Variants in RNF217 observed in about 807,000 individuals in gnomAD.
RNF217 encodes the protein ring finger protein 217.
RNF217 carries 31 observed loss-of-function variants against 57.8 expected under a neutral mutation model. The observed-to-expected ratio is 0.54, with a 90% CI of 0.40 to 0.72. RNF217 has a LOEUF of 0.72. Ranked by LOEUF, RNF217 falls within the 30% of genes least tolerant of loss-of-function variation. The pLI is 0.00. For missense variants in RNF217, 696 were observed against 708.3 expected (o/e 0.98, Z 0.20); for synonymous variants, 313 against 294.0 (o/e 1.06, Z -0.66).
At chr6:124,971,507 G>A (rs1056970435) in intron 1 of RNF217, 3 of 325,482 alleles carry the variant, frequency 9.2e-6, no homozygotes, top group African/African-American at 4.5e-5. Flanking sequence ...CCAGGCTGGA[G>A]TGCAGTGGCA....
rs754956424 is a variant in RNF217, at chr6:125,046,520, G to A, written c.1116+1076G>A. On this transcript the variant is annotated intron_variant, in intron 2 of 5. Transcript: ENST00000521654. ...TCCAAATTTTTGAGCCTCACCAGGT[G>A]ACTAATCCACAGTAGAGAATCTTTG... 1.6e-5 allele frequency: 7 copies of A among 451,054 alleles called. No individual in the cohort carries two copies. In the Middle Eastern group the frequency reaches 9.8e-4, roughly 63 times the overall value. The allele number at this position is 451,054 out of a possible 1,614,324, so 27.9% of individuals were successfully genotyped here. A position where few individuals can be genotyped will look rare whatever the true frequency, so the allele number is the denominator to read the frequency against.
intron 2 of RNF217, among the ~76,000 whole-genome samples, chr6:125,057,481 C>T (rs577284125): frequency 1.3e-5 from 2 of 152,258 alleles, no homozygotes; most frequent in South Asian, 4.2e-4. Flanking sequence ...CACACCCAGA[C>T]TGCTACTGTG....
Position 125,004,847 on chromosome 6 carries a change from C to T in RNF217, c.883-40364C>T, listed in dbSNP as rs184245512. Among the ~76,000 whole-genome samples the T allele has an allele frequency of 1.5e-3, 233 of 152,272 alleles. 2 individuals are homozygous for T. Among genetic ancestry groups the T allele is most frequent in the Admixed American group, 2.2e-3 (33 of 15,290 alleles). ...AGTAGTTGACAAAAGGAAATAAAGG[C>T]ACTTTCTAAAGGCCTTGTCTTAGTC... On this transcript the variant is annotated intron_variant, in intron 1 of 5. Transcript: ENST00000521654.
At chr6:124,971,556 A>T in intron 1 of RNF217, 1 of 271,900 alleles carries the variant, frequency 3.7e-6, no homozygotes, top group South Asian at 3.1e-5. Flanking sequence ...CCCAGGTTCA[A>T]GCGATTCTCC....
At chr6:125,023,913 G>A (rs1489694769) in intron 1 of RNF217, among the ~76,000 whole-genome samples, 1 of 152,140 alleles carries the variant, frequency 6.6e-6, no homozygotes, top group Non-Finnish European at 1.5e-5. Flanking sequence ...TGGTTACCAG[G>A]GGATGGGCAT....
chr6:125,082,412 A>T (rs1192030353), intron 5 of RNF217: 1 of 1,544,840 alleles, frequency 6.5e-7, no homozygotes, highest in East Asian at 2.4e-5. Flanking sequence ...GTGAGTTAGG[A>T]CATTATGTAA....
intron 4 of RNF217, among the ~76,000 whole-genome samples, chr6:125,078,230 C>T (rs1582783536): frequency 6.6e-6 from 1 of 152,112 alleles, no homozygotes; most frequent in East Asian, 1.9e-4. Flanking sequence ...TAACCTTAAC[C>T]TCTAATACCA....
chr6:125,019,491 A>G (rs1015170966), intron 1 of RNF217, among the ~76,000 whole-genome samples: 3 of 152,168 alleles, frequency 2.0e-5, no homozygotes, highest in East Asian at 1.9e-4. Flanking sequence ...CTAACAATAT[A>G]TATGTTATTC....
intron 1 of RNF217, among the ~76,000 whole-genome samples, chr6:125,000,178 A>G (rs1166641254): frequency 1.3e-5 from 2 of 152,158 alleles, no homozygotes; most frequent in East Asian, 1.9e-4. Flanking sequence ...TATTAATAGT[A>G]TAAAACCTTG....
At chr6:125,004,169 A>C (rs1448875532) in intron 1 of RNF217, among the ~76,000 whole-genome samples, 1 of 152,216 alleles carries the variant, frequency 6.6e-6, no homozygotes, top group East Asian at 1.9e-4. Context: ...ATTATATTAA[A>C]GAAAACAGGG....
intron 1 of RNF217, among the ~76,000 whole-genome samples, chr6:124,984,056 G>A (rs1225872378): frequency 6.6e-6 from 1 of 152,102 alleles, no homozygotes; most frequent in East Asian, 1.9e-4. Context: ...CCTCCCAAAA[G>A]CCCCACTTCT....
At chr6:125,036,059 A>T (rs1486446312) in intron 1 of RNF217, among the ~76,000 whole-genome samples, 1 of 151,680 alleles carries the variant, frequency 6.6e-6, no homozygotes, top group Non-Finnish European at 1.5e-5. Context: ...TATTTCTCCT[A>T]ATGCTATCCC....
At chr6:125,050,507 C>T (rs1787268097) in intron 2 of RNF217, among the ~76,000 whole-genome samples, 1 of 151,896 alleles carries the variant, frequency 6.6e-6, no homozygotes, top group Non-Finnish European at 1.5e-5. Context: ...ATTTTATAAA[C>T]ACTACACAAA....
chr6:125,061,852 CTTTA>C (rs1171662918), intron 3 of RNF217, among the ~76,000 whole-genome samples: 2 of 151,346 alleles, frequency 1.3e-5, no homozygotes, highest in African/African-American at 2.4e-5. Context: ...AATTTTCTTT[CTTTA>C]TTTGATTTTT....
intron 1 of RNF217, among the ~76,000 whole-genome samples, chr6:125,003,542 C>G (rs1289589314): frequency 6.6e-6 from 1 of 152,090 alleles, no homozygotes; most frequent in Non-Finnish European, 1.5e-5. Context: ...ATTCACTGCA[C>G]AGTATGGTGA....
intron 2 of RNF217, among the ~76,000 whole-genome samples, chr6:125,050,032 A>G (rs149177742): frequency 9.4e-4 from 143 of 152,080 alleles, no homozygotes; most frequent in African/African-American, 3.4e-3. Context: ...CGAAAATGAA[A>G]AAAATATTCT....
intron 2 of RNF217, among the ~76,000 whole-genome samples, chr6:125,056,505 A>G (rs1282941236): frequency 6.6e-6 from 1 of 152,216 alleles, no homozygotes; most frequent in East Asian, 1.9e-4. Flanking sequence ...ATAGTTGCAC[A>G]AGAGGAGCAT....
intron 1 of RNF217, chr6:125,008,932 A>G (rs1214986426): frequency 5.1e-6 from 1 of 194,766 alleles, no homozygotes; most frequent in Non-Finnish European, 1.0e-5. Context: ...TGTGAGTATT[A>G]GTTTCTCCAT....
intron 3 of RNF217, among the ~76,000 whole-genome samples, chr6:125,070,364 G>T (rs1562494813): frequency 6.6e-6 from 1 of 152,170 alleles, no homozygotes; most frequent in Non-Finnish European, 1.5e-5. Context: ...CTTTTGGATA[G>T]ATATTCAGCA....
Sources: allele counts gnomAD v4.1 joint callset (sites outside exome capture counted in the v4.1 genomes callset), GRCh38; gene constraint gnomAD v4.1.1; transcripts MANE v1.5; gene names NCBI Gene and HGNC (gene_info 2026-07-23, HGNC 2026-07-21).